Variants in DNAJC15 observed in about 807,000 individuals in gnomAD.
DNAJC15 encodes DnaJ heat shock protein family (Hsp40) member C15, also known as dnaJ homolog subfamily C member 15.
DNAJC15 carries 27 observed loss-of-function variants against 22.4 expected under a neutral mutation model. The observed-to-expected ratio is 1.20, with a 90% CI of 0.89 to 1.66. The LOEUF (loss-of-function observed/expected upper bound fraction) is 1.66. DNAJC15 is among the 40% of genes most tolerant of loss of function. The pLI, the probability that DNAJC15 is intolerant of heterozygous loss-of-function variation, is 0.00. For synonymous variants in DNAJC15, 79 were observed against 63.2 expected (o/e 1.25, Z -1.19); for missense variants, 208 against 187.1 (o/e 1.11, Z -0.65).
intron 5 of DNAJC15, among the ~76,000 whole-genome samples, chr13:43,099,790 T>C (rs2040758439): frequency 6.8e-6 from 1 of 147,212 alleles, no homozygotes; most frequent in Non-Finnish European, 1.5e-5. Flanking sequence ...ATAATTCTTT[T>C]TATATGTTTA....
rs150004773 is a variant in DNAJC15 at position 43,107,209 on chromosome 13, T to C, written c.414T>C (p.Asn138=). ...GGSPYVAAKI[N]EAKDLLETTT... is the part of the protein sequence containing the mutation. ...CTCCTTACGTAGCAGCCAAAATAAA[T>C]GAAGCAAAAGACTTGCTAGAAACAA... The change falls in exon 6 of 6, where the codon AAT becomes AAC. Residue 138 remains asparagine (N), a synonymous_variant. Coordinates refer to ENST00000379221, the MANE Select transcript of DNAJC15 (RefSeq NM_013238.3). 14 of 1,590,682 alleles carry C rather than the reference T, an allele frequency of 8.8e-6. No individual in the cohort carries two copies. The highest frequency in any genetic ancestry group is 1.2e-5 in the Non-Finnish European group (14 of 1,170,624).
chr13:43,090,184 A>G (rs911068496), intron 5 of DNAJC15, among the ~76,000 whole-genome samples: 2 of 152,260 alleles, frequency 1.3e-5, no homozygotes, highest in Non-Finnish European at 2.9e-5. Flanking sequence ...GCAAGCTTTT[A>G]TAGGCCAGAT....
At chr13:43,080,296 T>G (rs974744800) in intron 4 of DNAJC15, among the ~76,000 whole-genome samples, 1 of 152,186 alleles carries the variant, frequency 6.6e-6, no homozygotes, top group Non-Finnish European at 1.5e-5. Flanking sequence ...CACATGTAAG[T>G]GAGAACATGT....
intron 5 of DNAJC15, among the ~76,000 whole-genome samples, chr13:43,098,737 T>C (rs74063480): frequency 0.017 from 2,549 of 152,318 alleles, 84 homozygotes; most frequent in East Asian, 0.1. Flanking sequence ...CAGTTCAGTT[T>C]CATTGATCAG....
At chr13:43,047,923 A>G (rs1249000761) in intron 1 of DNAJC15, among the ~76,000 whole-genome samples, 1 of 152,154 alleles carries the variant, frequency 6.6e-6, no homozygotes, top group Non-Finnish European at 1.5e-5. Context: ...CTGTGTAATG[A>G]TGCTATTTAG....
chr13:43,066,156 T>C (rs2040582546), intron 2 of DNAJC15, among the ~76,000 whole-genome samples: 1 of 152,232 alleles, frequency 6.6e-6, no homozygotes, highest in South Asian at 2.1e-4. Context: ...GTGTAGTTTA[T>C]TGATTTGTCT....
In DNAJC15 at chr13:43,085,850, T is replaced by C; in HGVS notation, c.382+12T>C. The C allele has an allele frequency of 6.2e-7, 1 of 1,607,238 alleles. No homozygotes were observed. The highest frequency in any genetic ancestry group is 2.2e-5 in the East Asian group (1 of 44,772). ...TCACCCAGATAAAGGTAGGTAGAAT[T>C]CCTATTTTTCATAATATGTATATCA... is the stretch of plus-strand genomic sequence containing the variant. On this transcript the variant is annotated intron_variant, in intron 5 of 5. Coordinates refer to ENST00000379221, the MANE Select transcript of DNAJC15 (RefSeq NM_013238.3).
chr13:43,041,478 T>G (rs2040453589), intron 1 of DNAJC15, among the ~76,000 whole-genome samples: 1 of 152,164 alleles, frequency 6.6e-6, no homozygotes, highest in Non-Finnish European at 1.5e-5. Context: ...ACAGACACAG[T>G]AACAATCTGA....
At chr13:43,039,975 C>T (rs187281886) in intron 1 of DNAJC15, among the ~76,000 whole-genome samples, 1 of 152,312 alleles carries the variant, frequency 6.6e-6, no homozygotes, top group East Asian at 1.9e-4. Context: ...GCTGAGGTCA[C>T]ACCACTGCGC....
At chr13:43,077,439 C>G (rs1286256151) in intron 3 of DNAJC15, among the ~76,000 whole-genome samples, 1 of 152,206 alleles carries the variant, frequency 6.6e-6, no homozygotes, top group Non-Finnish European at 1.5e-5. Context: ...ACAATAACCT[C>G]TAAGCAAGGA....
intron 1 of DNAJC15, among the ~76,000 whole-genome samples, chr13:43,063,300 G>A (rs199841870): frequency 2.0e-5 from 3 of 152,212 alleles, no homozygotes; most frequent in Admixed American, 6.5e-5. Context: ...GTGAGCCACC[G>A]CGTCCAGCTT....
chr13:43,077,818 G>A (rs1470776712), intron 3 of DNAJC15, among the ~76,000 whole-genome samples: 1 of 152,110 alleles, frequency 6.6e-6, no homozygotes, highest in Non-Finnish European at 1.5e-5. Context: ...GGAAATGTTA[G>A]TTCTGTTTTA....
rs74062352 is a variant in DNAJC15, at chr13:43,108,074, A to G, written c.*826A>G. 2,548 of 152,784 alleles carry G rather than the reference A, an allele frequency of 0.017. 82 individuals are homozygous for G. The highest frequency in any genetic ancestry group is 0.1 in the East Asian group (524 of 5,192). 9.5% of individuals were successfully genotyped at this position (152,784 alleles called of 1,614,324 possible). ...ATGAACCAAAGGAACTTATATGTAGAGGAAGGATAAATCACAAATAGTGAA... is the reference window on the plus strand; with the variant it reads ...ATGAACCAAAGGAACTTATATGTAGGGGAAGGATAAATCACAAATAGTGAA... On this transcript the variant is annotated 3_prime_UTR_variant, in exon 6 of 6. Transcript: ENST00000379221.
At chr13:43,092,139 T>G (rs750566192) in intron 5 of DNAJC15, among the ~76,000 whole-genome samples, 61 of 152,172 alleles carry the variant, frequency 4.0e-4, no homozygotes, top group Non-Finnish European at 4.6e-4. Context: ...CATTTAGATT[T>G]TTTTGCTTAT....
Position 43,113,180 on chromosome 13 carries a change from C to T in DNAJC15, c.*5932C>T, listed in dbSNP as rs574294265. ...CATGAAGGTGAAGCAGCAGACCTGGCACAAGAAATGAAGAGAGAGCTCAGT... is the reference window on the plus strand; with the variant it reads ...CATGAAGGTGAAGCAGCAGACCTGGTACAAGAAATGAAGAGAGAGCTCAGT... On this transcript the variant is annotated 3_prime_UTR_variant, in exon 6 of 6. Coordinates refer to ENST00000379221, the MANE Select transcript of DNAJC15 (RefSeq NM_013238.3). The T allele has an allele frequency of 6.9e-4, 105 of 152,082 alleles. No individual in the cohort carries two copies. Among genetic ancestry groups the T allele is most frequent in the African/African-American group, 2.5e-3 (102 of 41,452 alleles). The allele number at this position is 152,082 out of a possible 1,614,324, so 9.4% of individuals were successfully genotyped here.
At position 43,089,221 on chromosome 13, in the gene DNAJC15, C is replaced by G. The variant is rs140075842; in HGVS notation, c.382+3383C>G. Among the ~76,000 whole-genome samples, 451 of 152,284 alleles carry G rather than the reference C, an allele frequency of 3.0e-3. 2 individuals carry two copies. Among genetic ancestry groups the G allele is most frequent in the African/African-American group, 0.01 (431 of 41,568 alleles). On this transcript the variant is annotated intron_variant, in intron 5 of 5. Transcript: ENST00000379221. ...TGATAGGAAACAACCTGACACTAAT[C>G]TTCCATTTATTCAAAAATTATTTAT...
intron 5 of DNAJC15, 151 bp from the exon 6 acceptor site, chr13:43,107,027 A>G (rs980919005): frequency 2.1e-5 from 12 of 579,946 alleles, no homozygotes; most frequent in Non-Finnish European, 2.4e-5. Flanking sequence ...TTTAATTTAT[A>G]CTGTTTTGAT....
chr13:43,028,970 G>C (rs960487906), intron 1 of DNAJC15, among the ~76,000 whole-genome samples: 1 of 152,162 alleles, frequency 6.6e-6, no homozygotes, highest in Non-Finnish European at 1.5e-5. Flanking sequence ...ACTTGTATCT[G>C]TATCTGTGAT....
intron 1 of DNAJC15, among the ~76,000 whole-genome samples, chr13:43,045,555 G>A (rs1180409135): frequency 6.6e-6 from 1 of 152,168 alleles, no homozygotes; most frequent in Non-Finnish European, 1.5e-5. Flanking sequence ...ACAGAACAGA[G>A]CAGGGAGTTT....
Sources: gnomAD v4.1 joint callset for allele counts (sites outside exome capture counted in the v4.1 genomes callset) on GRCh38, gnomAD v4.1.1 for gene constraint, MANE v1.5 for transcripts, NCBI Gene and HGNC (gene_info 2026-07-23, HGNC 2026-07-21) for gene names.